RORB: variants seen among roughly 807,000 people sequenced by gnomAD.
RORB encodes the protein RAR related orphan receptor B, also known as nuclear receptor ROR-beta.
A neutral mutation model predicts 59.1 loss-of-function variants in RORB; 6 were observed. The observed-to-expected ratio is 0.10, with a 90% CI of 0.06 to 0.20. The LOEUF is 0.20. Ranked by LOEUF, RORB falls within the 10% of genes least tolerant of loss-of-function variation. RORB has a pLI of 1.00. For missense variants in RORB, 320 were observed against 560.5 expected, an observed-to-expected ratio of 0.57 and a Z score of 4.33; for synonymous variants, 215 against 204.5, an observed-to-expected ratio of 1.05 and a Z score of -0.44.
intron 9 of RORB, among the ~76,000 whole-genome samples, chr9:74,680,052 G>A (rs983979937): frequency 2.0e-5 from 3 of 152,098 alleles, no homozygotes; most frequent in Non-Finnish European, 2.9e-5. Context: ...GCAGTGAGCC[G>A]AAATCATACC....
chr9:74,541,300 A>C (rs1348684920), intron 1 of RORB, among the ~76,000 whole-genome samples: 1 of 136,412 alleles, frequency 7.3e-6, no homozygotes, highest in African/African-American at 2.5e-5. Context: ...AAAAAAAAAA[A>C]AAAAAAGTAA....
At position 74,642,418 on chromosome 9, in the gene RORB, G is replaced by A; in HGVS notation, c.240G>A (p.Val80=). 6.2e-7 allele frequency: 1 copy of A among 1,606,674 alleles called. No individual in the cohort carries two copies. The highest frequency in any genetic ancestry group is 8.5e-7 in the Non-Finnish European group (1 of 1,175,876). Residue 80 remains valine (V), a synonymous_variant, in exon 4 of 10, where the codon GTG becomes GTA. Transcript: ENST00000376896. ...CTGCTTTTCTCTCCAACCCAGCTGTGAAGTTTGGGAGGATGTCCAAGAAGC... is the reference window on the plus strand; with the variant it reads ...CTGCTTTTCTCTCCAACCCAGCTGTAAAGTTTGGGAGGATGTCCAAGAAGC... ...CLALGMSRDA[V]KFGRMSKKQR...
chr9:74,593,599 A>C (rs1468734480), intron 1 of RORB, among the ~76,000 whole-genome samples: 1 of 151,914 alleles, frequency 6.6e-6, no homozygotes, highest in Non-Finnish European at 1.5e-5. Context: ...GTCTATTTTT[A>C]TTTTTCCATT....
intron 1 of RORB, among the ~76,000 whole-genome samples, chr9:74,558,205 G>A (rs990358170): frequency 1.2e-4 from 18 of 152,182 alleles, no homozygotes; most frequent in African/African-American, 3.1e-4. Context: ...AGCCCTCAGA[G>A]CTACCCTTCC....
intron 1 of RORB, among the ~76,000 whole-genome samples, chr9:74,610,438 G>A (rs1054539266): frequency 1.3e-5 from 2 of 152,158 alleles, no homozygotes; most frequent in African/African-American, 2.4e-5. Flanking sequence ...CCTAGTAATG[G>A]TTCAAAGTTA....
At chr9:74,619,524 T>C (rs1245630745) in intron 1 of RORB, among the ~76,000 whole-genome samples, 1 of 152,236 alleles carries the variant, frequency 6.6e-6, no homozygotes, top group Non-Finnish European at 1.5e-5. Flanking sequence ...CGATCTTGGC[T>C]CACTGCAACC....
intron 1 of RORB, among the ~76,000 whole-genome samples, chr9:74,620,203 A>G (rs1246007567): frequency 6.6e-6 from 1 of 152,220 alleles, no homozygotes; most frequent in Non-Finnish European, 1.5e-5. Context: ...GCTATTAATT[A>G]CGGCCTCAAT....
At chr9:74,678,260 G>A (rs892978995) in intron 9 of RORB, among the ~76,000 whole-genome samples, 1 of 152,138 alleles carries the variant, frequency 6.6e-6, no homozygotes, top group African/African-American at 2.4e-5. Flanking sequence ...TTAATGTAAG[G>A]CAGCTACTCC....
Position 74,687,622 on chromosome 9 carries a change from G to T in RORB, c.*2004G>T, listed in dbSNP as rs1261540513. 1 of 152,084 alleles carries T rather than the reference G, an allele frequency of 6.6e-6. No individual in the cohort carries two copies. The highest frequency in any genetic ancestry group is 1.9e-4 in the East Asian group (1 of 5,188). The allele number at this position is 152,084 out of a possible 1,614,324, so 9.4% of individuals were successfully genotyped here. A position where few individuals can be genotyped will look rare whatever the true frequency, so the allele number is the denominator to read the frequency against. On this transcript the variant is annotated 3_prime_UTR_variant, in exon 10 of 10. Transcript: ENST00000376896. ...AACTACATTGAACCAAATTACCTTT[G>T]GTTCTAAGAAGACAGCTGTAGACTG...
intron 1 of RORB, among the ~76,000 whole-genome samples, chr9:74,551,550 T>C (rs1826609194): frequency 6.6e-6 from 1 of 152,224 alleles, no homozygotes; most frequent in Non-Finnish European, 1.5e-5. Context: ...TGTTCATTTA[T>C]GGAATTTTTT....
At chr9:74,649,030 C>A (rs1190088815) in intron 4 of RORB, among the ~76,000 whole-genome samples, 1 of 151,004 alleles carries the variant, frequency 6.6e-6, no homozygotes, top group African/African-American at 2.4e-5. Context: ...GTGGTGCGAT[C>A]TTGGCTCACT....
intron 1 of RORB, among the ~76,000 whole-genome samples, chr9:74,573,161 A>G (rs1176361550): frequency 6.6e-6 from 1 of 152,142 alleles, no homozygotes; most frequent in Non-Finnish European, 1.5e-5. Flanking sequence ...TCTTAACTCC[A>G]TGGACCTCAC....
At chr9:74,590,537 A>C (rs4744719) in intron 1 of RORB, among the ~76,000 whole-genome samples, 143,980 of 152,110 alleles carry the variant, frequency 0.95, 68,475 homozygotes, top group East Asian at 1. Context: ...ACATGAAATC[A>C]TCATGAGGAT....
At chr9:74,663,229 A>G (rs1490236958) in intron 6 of RORB, among the ~76,000 whole-genome samples, 3 of 152,116 alleles carry the variant, frequency 2.0e-5, no homozygotes, top group South Asian at 2.1e-4. Context: ...AAGAACCATG[A>G]TGGTGTTTAT....
At chr9:74,611,798 C>G (rs1331211052) in intron 1 of RORB, among the ~76,000 whole-genome samples, 1 of 152,186 alleles carries the variant, frequency 6.6e-6, no homozygotes, top group Non-Finnish European at 1.5e-5. Context: ...TAGGCACCCA[C>G]CACCCTGCCT....
chr9:74,639,757 G>GGCA (rs955042992), intron 3 of RORB, among the ~76,000 whole-genome samples: 18 of 152,320 alleles, frequency 1.2e-4, no homozygotes, highest in African/African-American at 4.3e-4. Context: ...AGGGCAGAAG[G>GGCA]GCAGCAAATA....
rs1825734854 is a variant in RORB, at chr9:74,497,837, G to C, written c.-140G>C. The C allele has an allele frequency of 9.9e-7, 1 of 1,013,678 alleles. No homozygotes were observed. Among genetic ancestry groups the C allele is most frequent in the Admixed American group, 2.1e-5 (1 of 46,904 alleles). The allele number at this position is 1,013,678 out of a possible 1,614,324, so 62.8% of individuals were successfully genotyped here. On this transcript the variant is annotated 5_prime_UTR_variant, in exon 1 of 10. Coordinates refer to ENST00000376896, the MANE Select transcript of RORB (RefSeq NM_006914.4). ...ACGTCACCCTGCAGCCACGGCGTCC[G>C]CCTAAAGGGATGGTTTTCTCGGCAG...
At chr9:74,622,254 AT>A in intron 1 of RORB, among the ~76,000 whole-genome samples, 1 of 152,178 alleles carries the variant, frequency 6.6e-6, no homozygotes, top group East Asian at 1.9e-4. Flanking sequence ...TAGAAAAAAA[AT>A]AAGGAACTAA....
In RORB at chr9:74,634,326, G is replaced by A. The variant is rs190419859; in HGVS notation, c.94-305G>A. 3.9e-3 allele frequency among the ~76,000 whole-genome samples: 594 copies of A among 152,170 alleles called. 1 individual carries two copies. Among genetic ancestry groups the A allele is most frequent in the African/African-American group, 0.013 (547 of 41,532 alleles). On this transcript the variant is annotated intron_variant, in intron 2 of 9. Coordinates refer to ENST00000376896, the MANE Select transcript of RORB (RefSeq NM_006914.4). ...CTACTCCTTCCCCACTGCTCTTTGC[G>A]GAGCAGAAACTTCTGTTTATTTCTG...
Sources: gnomAD v4.1 joint callset for allele counts (sites outside exome capture counted in the v4.1 genomes callset) on GRCh38, gnomAD v4.1.1 for gene constraint, MANE v1.5 for transcripts, NCBI Gene and HGNC (gene_info 2026-07-23, HGNC 2026-07-21) for gene names.